STK11: variants seen among roughly 807,000 people sequenced by gnomAD.
The protein encoded by STK11 is serine/threonine-protein kinase STK11.
Under a neutral mutation model 47.3 loss-of-function variants are expected in STK11, and 8 were observed. The observed-to-expected ratio is 0.17, with a 90% confidence interval of 0.10 to 0.31. STK11 has a LOEUF of 0.31. Ranked by LOEUF, STK11 falls within the 10% of genes least tolerant of loss-of-function variation. STK11 has a pLI of 1.00. For missense variants in STK11, 475 were observed against 605.0 expected, an observed-to-expected ratio of 0.79 and a Z score of 2.25; for synonymous variants, 330 against 255.8, an observed-to-expected ratio of 1.29 and a Z score of -2.77.
intron 1 of STK11, among the ~76,000 whole-genome samples, chr19:1,217,446 C>T (rs1047239855): frequency 4.6e-5 from 7 of 152,086 alleles, no homozygotes; most frequent in East Asian, 1.9e-4. Context: ...GTGATCCACC[C>T]GCCTCGGCCT....
chr19:1,222,867 G>C lies in STK11; in HGVS notation c.921-118G>C, dbSNP rs528255340. 15 of 1,224,392 alleles carry C rather than the reference G, an allele frequency of 1.2e-5. 1 individual carries two copies. Among genetic ancestry groups the C allele is most frequent in the Middle Eastern group, 2.9e-4 (1 of 3,500 alleles). The allele number at this position is 1,224,392 out of a possible 1,614,324, so 75.8% of individuals were successfully genotyped here. ...CTGTGGTCACAGCCACCCCTTGCAC[G>C]GCCTGGTCCCAGCTCCTGAGTGTGT... On this transcript the variant is annotated intron_variant, in intron 7 of 9. Coordinates refer to ENST00000326873, the MANE Select transcript of STK11 (RefSeq NM_000455.5).
rs1333336656 is a variant in STK11, at chr19:1,207,196, G to T, written c.283G>T (p.Val95Leu). The T allele has an allele frequency of 6.2e-7, 1 of 1,603,404 alleles. No homozygotes were observed. Among genetic ancestry groups the T allele is most frequent in the Non-Finnish European group, 8.5e-7 (1 of 1,174,948 alleles). Residue 95 changes from valine to leucine, a missense_variant, in exon 1 of 10, where the codon GTG (valine) becomes TTG (leucine). Around this residue, in one of 5 missense-constraint regions of STK11, gnomAD observed 47 missense variants for 103.7 expected, o/e 0.45. Coordinates refer to ENST00000326873, the MANE Select transcript of STK11 (RefSeq NM_000455.5). ...AAGGATCCCCAACGGGGAGGCCAAC[G>T]TGAAGAAGTAAGTATGGCTTGCTGG... The part of the protein sequence containing the change: ...LRRIPNGEAN[V>L]KKEIQLLRRL...
At chr19:1,218,650 C>T in intron 2 of STK11, 150 bp downstream of exon 2, 2 of 738,926 alleles carry the variant, frequency 2.7e-6, no homozygotes, top group South Asian at 3.1e-5. Flanking sequence ...CGGAAGTCAG[C>T]CATTGTGGCA....
intron 1 of STK11, among the ~76,000 whole-genome samples, chr19:1,214,031 A>G (rs886078992): frequency 3.9e-5 from 6 of 152,348 alleles, no homozygotes; most frequent in Middle Eastern, 3.4e-3. Flanking sequence ...TAAACAGTCC[A>G]TGCTGCCTGG....
chr19:1,219,505 TATTC>T (rs1182454233), intron 3 of STK11, 92 bp downstream of exon 3: 10 of 1,365,340 alleles, frequency 7.3e-6, no homozygotes, highest in Non-Finnish European at 8.0e-6. Flanking sequence ...CTTGTCCTGA[TATTC>T]ATTGACATGA....
intron 1 of STK11, among the ~76,000 whole-genome samples, chr19:1,213,544 C>A (rs2080725940): frequency 6.6e-6 from 1 of 152,240 alleles, no homozygotes; most frequent in African/African-American, 2.4e-5. Context: ...TTGCGTCCGG[C>A]TTGTCTCACG....
chr19:1,225,237 T>C, intron 8 of STK11: 1 of 984,712 alleles, frequency 1.0e-6, no homozygotes, highest in Non-Finnish European at 1.2e-6. Context: ...CTCAGACCTA[T>C]GGGTGCAATT....
At chr19:1,222,843 T>C (rs1487226111) in intron 7 of STK11, 142 bp from the exon 8 acceptor site, 1 of 942,172 alleles carries the variant, frequency 1.1e-6, no homozygotes, top group Non-Finnish European at 1.5e-6. Context: ...GCTGAGCTTC[T>C]GTGGTCACAG....
chr19:1,226,230 G>T (rs1023988126), intron 8 of STK11: 28 of 1,391,260 alleles, frequency 2.0e-5, no homozygotes, highest in Non-Finnish European at 2.3e-5. Flanking sequence ...TGGTGGAGGG[G>T]ACACTCCTGC....
In STK11 at chr19:1,227,864, C is replaced by T; in HGVS notation, c.*288C>T. ...TGGGAGGAGGGAGGCGGCCTCCATG[C>T]ACTTTATGTGGAGACTACTGGCCCC... On this transcript the variant is annotated 3_prime_UTR_variant, in exon 10 of 10. Transcript: ENST00000326873. 2.8e-6 allele frequency: 3 copies of T among 1,070,044 alleles called. No individual in the cohort carries two copies. The highest frequency in any genetic ancestry group is 2.3e-6 in the Non-Finnish European group (2 of 882,258). The allele number at this position is 1,070,044 out of a possible 1,614,324, so 66.3% of individuals were successfully genotyped here.
intron 3 of STK11, 197 bp from the exon 4 acceptor site, chr19:1,220,176 G>A: frequency 1.6e-6 from 1 of 634,580 alleles, no homozygotes; most frequent in Non-Finnish European, 2.6e-6. Context: ...ACGTGGCTCG[G>A]CCGGACGAGG....
At chr19:1,212,272 CCTTTTT>C (rs1386518143) in intron 1 of STK11, among the ~76,000 whole-genome samples, 1 of 142,716 alleles carries the variant, frequency 7.0e-6, no homozygotes, top group Admixed American at 7.1e-5. Flanking sequence ...TTTCTTAACA[CCTTTTT>C]TTTTTTTTTT....
intron 1 of STK11, among the ~76,000 whole-genome samples, chr19:1,209,542 A>G (rs949239734): frequency 5.9e-5 from 9 of 152,140 alleles, no homozygotes; most frequent in Non-Finnish European, 1.2e-4. Context: ...AGATCGCACC[A>G]TTGCGCTCCA....
intron 7 of STK11, 28 bp downstream of exon 7, chr19:1,222,034 C>G: frequency 6.4e-7 from 1 of 1,557,476 alleles, no homozygotes; most frequent in Non-Finnish European, 8.7e-7. Context: ...GCAGTGGGGC[C>G]GAGGCTGCAG....
chr19:1,213,054 T>G (rs973193113), intron 1 of STK11, among the ~76,000 whole-genome samples: 1 of 141,402 alleles, frequency 7.1e-6, no homozygotes, highest in Non-Finnish European at 1.5e-5. Context: ...TGGAGTGCAG[T>G]GGCGTGATCT....
At chr19:1,219,466 G>A (rs2145422792) in intron 3 of STK11, 53 bp downstream of exon 3, 1 of 1,408,302 alleles carries the variant, frequency 7.1e-7, no homozygotes, top group South Asian at 1.3e-5. Context: ...GGCCAGGCAG[G>A]GCAGGCTCCT....
At chr19:1,213,523 C>G (rs1568698055) in intron 1 of STK11, among the ~76,000 whole-genome samples, 1 of 152,240 alleles carries the variant, frequency 6.6e-6, no homozygotes, top group Non-Finnish European at 1.5e-5. Flanking sequence ...TGTCACACAC[C>G]GCGTGGCCTT....
intron 3 of STK11, among the ~76,000 whole-genome samples, 151 bp downstream of exon 3, chr19:1,219,564 G>A (rs1294308902): frequency 2.7e-5 from 4 of 150,894 alleles, no homozygotes; most frequent in South Asian, 2.1e-4. Context: ...GTTTTTTTTC[G>A]AGATGGAGTC....
rs2145436032 is a variant in STK11 at position 1,226,511 on chromosome 19, C to T, written c.1166C>T (p.Ala389Val). ...GGACAGCGCCGGGGCCTCCCCAAGG[C>T]CGTGTGTATGAACGGCACAGAGGCG... ...HNGQRRGLPK[A>V]VCMNGTEAAQ... The change falls in exon 9 of 10, where the codon GCC (alanine) becomes GTC (valine). Residue 389 changes from alanine (A) to valine (V), a missense_variant. By Grantham distance (64) the Ala-to-Val change is moderately conservative. Coordinates refer to ENST00000326873, the MANE Select transcript of STK11 (RefSeq NM_000455.5). The T allele has an allele frequency of 6.2e-7, 1 of 1,610,582 alleles. No individual in the cohort carries two copies. Among genetic ancestry groups the T allele is most frequent in the East Asian group, 2.2e-5 (1 of 44,820 alleles).
Sources: gnomAD v4.1 joint callset for allele counts (sites outside exome capture counted in the v4.1 genomes callset) on GRCh38, gnomAD v4.1.1 for gene constraint, gnomAD v4.1.1 regional missense constraint, MANE v1.5 for transcripts, NCBI Gene and HGNC (gene_info 2026-07-23, HGNC 2026-07-21) for gene names.